Variants in RBFOX1 observed in about 807,000 individuals in gnomAD.
RBFOX1 encodes RNA binding protein fox-1 homolog 1.
In RBFOX1, 8 loss-of-function variants were observed where a neutral mutation model predicts 57.7. The ratio of observed to expected loss-of-function variants is 0.14; its 90% CI spans 0.08 to 0.25. The LOEUF is 0.25. RBFOX1 is among the 10% of genes least tolerant of loss of function. The probability of loss-of-function intolerance (pLI) is 1.00; values close to 1 mark genes in which losing one functional copy is unlikely to be tolerated. For missense variants in RBFOX1, 611 were observed against 548.5 expected, an observed-to-expected ratio of 1.11 and a Z score of -1.14; for synonymous variants, 326 against 222.4, an observed-to-expected ratio of 1.47 and a Z score of -4.15.
intron 3 of RBFOX1, among the ~76,000 whole-genome samples, chr16:6,842,416 C>T (rs546684090): frequency 6.6e-6 from 1 of 152,028 alleles, no homozygotes. Flanking sequence ...GGAGATTATT[C>T]ACTGTTTGGG....
chr16:7,309,967 A>G (rs1393882450), intron 4 of RBFOX1, among the ~76,000 whole-genome samples: 1 of 152,218 alleles, frequency 6.6e-6, no homozygotes, highest in Non-Finnish European at 1.5e-5. Context: ...CCATTCATCA[A>G]TAAAGTTTCC....
At chr16:7,210,208 A>T (rs942086091) in intron 4 of RBFOX1, among the ~76,000 whole-genome samples, 1 of 152,216 alleles carries the variant, frequency 6.6e-6, no homozygotes, top group Non-Finnish European at 1.5e-5. Context: ...AACCAATAGG[A>T]TACTTCTATA....
intron 3 of RBFOX1, among the ~76,000 whole-genome samples, chr16:6,935,820 A>C (rs1412506791): frequency 6.6e-6 from 1 of 152,212 alleles, no homozygotes; most frequent in Non-Finnish European, 1.5e-5. Flanking sequence ...AAGGCATGCC[A>C]CAGAGTTTAT....
intron 13 of RBFOX1, among the ~76,000 whole-genome samples, chr16:7,668,697 T>C (rs2070317196): frequency 6.6e-6 from 1 of 151,834 alleles, no homozygotes; most frequent in Non-Finnish European, 1.5e-5. Flanking sequence ...TATAAAAAGA[T>C]AGATAGGAAT....
At chr16:6,591,305 A>G (rs1216626239) in intron 2 of RBFOX1, among the ~76,000 whole-genome samples, 1 of 152,062 alleles carries the variant, frequency 6.6e-6, no homozygotes, top group Admixed American at 6.6e-5. Context: ...TTTTTTAAGT[A>G]TTAGCCGGTG....
chr16:6,400,924 A>G (rs1476272075), intron 2 of RBFOX1, among the ~76,000 whole-genome samples: 1 of 152,170 alleles, frequency 6.6e-6, no homozygotes, highest in Non-Finnish European at 1.5e-5. Flanking sequence ...ATAGTACCTG[A>G]TGGTGTTGGA....
chr16:6,114,677 C>A (rs571532190), intron 1 of RBFOX1, among the ~76,000 whole-genome samples: 1 of 152,110 alleles, frequency 6.6e-6, no homozygotes, highest in Admixed American at 6.6e-5. Flanking sequence ...GGCACCAAAC[C>A]CCTTTGAAAT....
chr16:7,608,736 CAT>C (rs1417630464), intron 10 of RBFOX1, among the ~76,000 whole-genome samples: 2 of 152,274 alleles, frequency 1.3e-5, no homozygotes, highest in East Asian at 3.9e-4. Flanking sequence ...GTAACAAACT[CAT>C]AGTAATTTAT....
At chr16:5,407,585 G>T (rs558091123) in intron 1 of RBFOX1, among the ~76,000 whole-genome samples, 1 of 152,150 alleles carries the variant, frequency 6.6e-6, no homozygotes, top group South Asian at 2.1e-4. Context: ...GTCTCACTCT[G>T]TCACCCAGGC....
chr16:6,853,770 C>G (rs746510593), intron 3 of RBFOX1, among the ~76,000 whole-genome samples: 1 of 152,108 alleles, frequency 6.6e-6, no homozygotes, highest in African/African-American at 2.4e-5. Context: ...AGAGGAGCTG[C>G]ACTCTGACCT....
chr16:6,327,591 G>A (rs929763334), intron 2 of RBFOX1, among the ~76,000 whole-genome samples: 5 of 152,100 alleles, frequency 3.3e-5, no homozygotes, highest in Admixed American at 6.5e-5. Context: ...GAGGAACTAG[G>A]CAATGACTTT....
chr16:7,069,288 C>G (rs1023373830), intron 4 of RBFOX1, among the ~76,000 whole-genome samples: 15 of 152,268 alleles, frequency 9.9e-5, no homozygotes, highest in African/African-American at 3.4e-4. Flanking sequence ...CTGCACCTGT[C>G]ATCCCACCAT....
At chr16:5,432,559 G>GTTTTTTTTTTTTTTTGTTTTTTTTT (rs2067781309) in intron 1 of RBFOX1, among the ~76,000 whole-genome samples, 1 of 94,222 alleles carries the variant, frequency 1.1e-5, no homozygotes, top group Admixed American at 1.3e-4. Context: ...TTGTTTGTTT[G>GTTTTTTTTTTTTTTTGTTTTTTTTT]TTTTTTTTTT....
chr16:5,683,394 G>A (rs894014125), intron 3 of RBFOX1, among the ~76,000 whole-genome samples: 1 of 151,924 alleles, frequency 6.6e-6, no homozygotes, highest in Non-Finnish European at 1.5e-5. Flanking sequence ...TTGGATTGAG[G>A]CATACAAAGT....
chr16:5,650,173 A>C (rs572019560), intron 3 of RBFOX1, among the ~76,000 whole-genome samples: 57 of 152,314 alleles, frequency 3.7e-4, no homozygotes, highest in African/African-American at 1.4e-3. Flanking sequence ...ACTCCTGGTG[A>C]AATAGTCGTA....
At chr16:5,687,232 G>A (rs1464735520) in intron 3 of RBFOX1, among the ~76,000 whole-genome samples, 1 of 152,164 alleles carries the variant, frequency 6.6e-6, no homozygotes, top group African/African-American at 2.4e-5. Flanking sequence ...CTTAATAGGA[G>A]TGGAACAGTA....
At chr16:5,330,162 G>A (rs2064710004) in intron 1 of RBFOX1, among the ~76,000 whole-genome samples, 1 of 152,074 alleles carries the variant, frequency 6.6e-6, no homozygotes, top group Non-Finnish European at 1.5e-5. Flanking sequence ...CGCTTTCTGG[G>A]TTGCAATTTC....
chr16:6,440,774 C>A (rs915637512), intron 2 of RBFOX1, among the ~76,000 whole-genome samples: 4 of 144,738 alleles, frequency 2.8e-5, no homozygotes, highest in Non-Finnish European at 5.9e-5. Flanking sequence ...GTGCCTCAGC[C>A]TGGGTGACAG....
At chr16:7,302,521 C>G (rs1222289801) in intron 4 of RBFOX1, among the ~76,000 whole-genome samples, 4 of 151,766 alleles carry the variant, frequency 2.6e-5, no homozygotes, top group African/African-American at 9.7e-5. Flanking sequence ...CATCCCCTCT[C>G]AGGTACGGTT....
Sources: gnomAD v4.1 joint callset for allele counts (sites outside exome capture counted in the v4.1 genomes callset) on GRCh38, gnomAD v4.1.1 for gene constraint, MANE v1.5 for transcripts, NCBI Gene and HGNC (gene_info 2026-07-23, HGNC 2026-07-21) for gene names.